Variants in VWA3B observed in about 807,000 individuals in gnomAD.
VWA3B encodes the protein von Willebrand factor A domain containing 3B.
A neutral mutation model predicts 158.3 loss-of-function variants in VWA3B; 138 were observed. The observed-to-expected ratio is 0.87, with a 90% CI of 0.76 to 1.00. The LOEUF (loss-of-function observed/expected upper bound fraction) is 1.00. Among genes scored for constraint, VWA3B ranks in the 50% least tolerant of loss-of-function variants. VWA3B has a pLI of 0.00. For missense variants in VWA3B, 1,555 were observed against 1,565.1 expected (o/e 0.99, Z 0.11); for synonymous variants, 596 against 587.3 (o/e 1.01, Z -0.21).
At chr2:98,094,336 T>A (rs1682570752) in intron 2 of VWA3B, among the ~76,000 whole-genome samples, 1 of 152,328 alleles carries the variant, frequency 6.6e-6, no homozygotes, top group African/African-American at 2.4e-5. Flanking sequence ...GTGACAGGAG[T>A]GAAATGGTAT....
intron 13 of VWA3B, among the ~76,000 whole-genome samples, chr2:98,213,216 G>A (rs1391372937): frequency 1.3e-5 from 2 of 152,210 alleles, no homozygotes; most frequent in African/African-American, 2.4e-5. Context: ...GAGGACAGGG[G>A]CAACGGAAGA....
rs369179600 is a variant in VWA3B at position 98,111,936 on chromosome 2, T to C, written c.197-3716T>C. Reference sequence around the variant, plus strand: ...CTTTAATTTAATTAGGTTCTACTTATCAATTTTTGTTTTTGTTGCAATTGC... The same window carrying C: ...CTTTAATTTAATTAGGTTCTACTTACCAATTTTTGTTTTTGTTGCAATTGC... On this transcript the variant is annotated intron_variant, in intron 2 of 27. Transcript: ENST00000477737. Among the ~76,000 whole-genome samples the C allele has an allele frequency of 7.2e-4, 110 of 152,342 alleles. 1 individual carries two copies. Among genetic ancestry groups the C allele is most frequent in the African/African-American group, 2.4e-3 (101 of 41,590 alleles).
At chr2:98,290,901 A>G (rs1452542394) in intron 23 of VWA3B, 1 of 330,050 alleles carries the variant, frequency 3.0e-6, no homozygotes, top group Non-Finnish European at 5.6e-6. Context: ...GCATGTATGT[A>G]ATATTTTGAA....
intron 26 of VWA3B, among the ~76,000 whole-genome samples, chr2:98,309,750 G>A (rs541633488): frequency 4.6e-5 from 7 of 152,172 alleles, no homozygotes; most frequent in South Asian, 2.1e-4. Context: ...ACTTAATCTC[G>A]CCTGGTCACT....
intron 14 of VWA3B, among the ~76,000 whole-genome samples, chr2:98,218,670 A>C (rs906751106): frequency 6.6e-6 from 1 of 152,242 alleles, no homozygotes; most frequent in African/African-American, 2.4e-5. Context: ...GTGCATATGC[A>C]TTTCAAGGAT....
intron 2 of VWA3B, among the ~76,000 whole-genome samples, chr2:98,097,850 A>G (rs1286539158): frequency 1.3e-5 from 2 of 152,074 alleles, no homozygotes; most frequent in African/African-American, 4.8e-5. Flanking sequence ...GCATTTCTCC[A>G]GTGATTAATG....
At chr2:98,203,203 A>G (rs990795965) in intron 12 of VWA3B, among the ~76,000 whole-genome samples, 4 of 152,138 alleles carry the variant, frequency 2.6e-5, no homozygotes, top group Admixed American at 1.3e-4. Context: ...TTCCTCCTCT[A>G]TTGAATTGTT....
In VWA3B at chr2:98,109,589, T is replaced by A. The variant is rs972926443; in HGVS notation, c.197-6063T>A. ...GACTGTCTATTTTATTTGCCTATAG[T>A]TTTGCTTACTGTGTTCGTCTTTCCT... On this transcript the variant is annotated intron_variant, in intron 2 of 27. Transcript: ENST00000477737. Among the ~76,000 whole-genome samples, 8 of 152,190 alleles carry A rather than the reference T, an allele frequency of 5.3e-5. 1 individual carries two copies. The highest frequency in any genetic ancestry group is 1.9e-4 in the African/African-American group (8 of 41,450).
At chr2:98,290,942 T>C (rs1689459861) in intron 23 of VWA3B, 1 of 225,994 alleles carries the variant, frequency 4.4e-6, no homozygotes, top group Non-Finnish European at 8.4e-6. Context: ...AGCAAAAAGG[T>C]GAACATTCTT....
chr2:98,097,861 A>T (rs1682817623), intron 2 of VWA3B, among the ~76,000 whole-genome samples: 1 of 152,000 alleles, frequency 6.6e-6, no homozygotes, highest in South Asian at 2.1e-4. Flanking sequence ...GTGATTAATG[A>T]TGTTGAGCAT....
At chr2:98,323,135 A>C in the VWA3B span, among the ~76,000 whole-genome samples, 1 of 152,190 alleles carries the variant, frequency 6.6e-6, no homozygotes. Flanking sequence ...ACAAACATTC[A>C]ATAAAAATTT....
At chr2:98,136,571 G>A (rs1007069532) in intron 7 of VWA3B, among the ~76,000 whole-genome samples, 41 of 149,830 alleles carry the variant, frequency 2.7e-4, no homozygotes, top group Non-Finnish European at 4.3e-4. Flanking sequence ...GAGGAATGCT[G>A]CACCCTCACG....
intron 9 of VWA3B, among the ~76,000 whole-genome samples, chr2:98,186,629 C>T (rs188057672): frequency 1.3e-5 from 2 of 152,190 alleles, no homozygotes; most frequent in Admixed American, 6.5e-5. Flanking sequence ...CACATCTGAT[C>T]TCTCGGTGAA....
chr2:98,278,426 G>A (rs1165101425), intron 22 of VWA3B, among the ~76,000 whole-genome samples: 1 of 152,206 alleles, frequency 6.6e-6, no homozygotes, highest in Non-Finnish European at 1.5e-5. Flanking sequence ...TCCTTGGTGT[G>A]ACAGCCCGCT....
At chr2:98,330,423 A>C in the VWA3B span, among the ~76,000 whole-genome samples, 1 of 152,238 alleles carries the variant, frequency 6.6e-6, no homozygotes, top group South Asian at 2.1e-4. Context: ...CCTTGTGCCC[A>C]TCAGAGAAAC....
chr2:98,108,994 C>CTTTTTTTTTTTTTTTTTTTTTT (rs56760057), intron 2 of VWA3B, among the ~76,000 whole-genome samples: 1 of 132,600 alleles, frequency 7.5e-6, no homozygotes. Context: ...CTTTTCTTTT[C>CTTTTTTTTTTTTTTTTTTTTTT]TTTTTTTTTT....
At chr2:98,108,185 A>G (rs1264114737) in intron 2 of VWA3B, among the ~76,000 whole-genome samples, 1 of 151,868 alleles carries the variant, frequency 6.6e-6, no homozygotes, top group East Asian at 1.9e-4. Flanking sequence ...CTTTTTATTT[A>G]TTTTTGATTT....
At chr2:98,262,754 G>T (rs1257197334) in intron 21 of VWA3B, among the ~76,000 whole-genome samples, 1 of 151,772 alleles carries the variant, frequency 6.6e-6, no homozygotes, top group South Asian at 2.1e-4. Context: ...TCTCAAGATT[G>T]TTTTGGCTAT....
chr2:98,186,913 C>T (rs533972367), intron 9 of VWA3B, among the ~76,000 whole-genome samples: 33 of 152,252 alleles, frequency 2.2e-4, no homozygotes, highest in African/African-American at 3.9e-4. Context: ...TCAGGCTTTA[C>T]GGGACCTGCT....
Sources: allele counts gnomAD v4.1 joint callset (sites outside exome capture counted in the v4.1 genomes callset), GRCh38; gene constraint gnomAD v4.1.1; transcripts MANE v1.5; gene names NCBI Gene and HGNC (gene_info 2026-07-23, HGNC 2026-07-21).